TUSC3: variants seen among roughly 807,000 people sequenced by gnomAD.
TUSC3 encodes the protein dolichyl-diphosphooligosaccharide--protein glycosyltransferase subunit TUSC3.
TUSC3 carries 45 observed loss-of-function variants against 44.8 expected under a neutral mutation model. The ratio of observed to expected loss-of-function variants is 1.00; its 90% CI spans 0.79 to 1.29. The LOEUF is 1.29. Among genes scored for constraint, TUSC3 ranks in the 50% most tolerant of loss-of-function variants. The pLI is 0.00. For synonymous variants in TUSC3, 212 were observed against 152.9 expected (o/e 1.39, Z -2.85); for missense variants, 519 against 437.9 (o/e 1.19, Z -1.65).
the TUSC3 span, among the ~76,000 whole-genome samples, chr8:15,844,920 A>C: frequency 8.9e-3 from 1,362 of 152,250 alleles, 29 homozygotes; most frequent in African/African-American, 0.031. Flanking sequence ...AGTGGTCTTA[A>C]AATATTTTCT....
At chr8:15,690,557 C>T (rs1808854822) in intron 6 of TUSC3, among the ~76,000 whole-genome samples, 1 of 152,078 alleles carries the variant, frequency 6.6e-6, no homozygotes, top group African/African-American at 2.4e-5. Flanking sequence ...TGAGTGTCTT[C>T]ATCATGAAAT....
chr8:15,460,695 T>C (rs1209320756), intron 1 of TUSC3, among the ~76,000 whole-genome samples: 1 of 152,178 alleles, frequency 6.6e-6, no homozygotes. Flanking sequence ...CATCTTGAGT[T>C]GATTTTTGTG....
At position 15,459,838 on chromosome 8, in the gene TUSC3, G is replaced by T. The variant is rs553004970; in HGVS notation, n.92-23548G>T. On this transcript the variant is annotated intron_variant and non_coding_transcript_variant, in intron 1 of 5. Transcript: ENST00000503191. ...TGGCTAAGTAGTATTCCATTTGTGT[G>T]TGTGTGTGTGTGTGTGTATGTGTGT... 6.1e-5 allele frequency among the ~76,000 whole-genome samples: 9 copies of T among 147,492 alleles called. No individual in the cohort carries two copies. The South Asian group carries it at 1.9e-3, about 31-fold the overall frequency.
At chr8:15,847,687 C>G in the TUSC3 span, among the ~76,000 whole-genome samples, 3 of 152,248 alleles carry the variant, frequency 2.0e-5, no homozygotes, top group Admixed American at 6.5e-5. Flanking sequence ...TTTAACTACT[C>G]TGAGTTCATG....
At chr8:15,669,659 C>T (rs956004211) in intron 5 of TUSC3, among the ~76,000 whole-genome samples, 1 of 151,624 alleles carries the variant, frequency 6.6e-6, no homozygotes, top group African/African-American at 2.4e-5. Context: ...TTAATAGGTT[C>T]AGTGTTTATG....
At chr8:15,534,594 G>C (rs1801496330) in intron 2 of TUSC3, among the ~76,000 whole-genome samples, 1 of 147,960 alleles carries the variant, frequency 6.8e-6, no homozygotes, top group Non-Finnish European at 1.5e-5. Flanking sequence ...CAGTGGCCGA[G>C]ATCGCGCCAC....
chr8:15,624,182 C>G (rs1157050354), intron 2 of TUSC3, among the ~76,000 whole-genome samples: 1 of 152,004 alleles, frequency 6.6e-6, no homozygotes. Flanking sequence ...GAATAATGTT[C>G]CATTATATGG....
At chr8:15,651,772 A>C (rs911533742) in intron 3 of TUSC3, among the ~76,000 whole-genome samples, 5 of 152,136 alleles carry the variant, frequency 3.3e-5, no homozygotes, top group African/African-American at 1.2e-4. Context: ...GCAAACTAAT[A>C]AGCTTATTTA....
At chr8:15,607,632 C>T (rs1290123755) in intron 1 of TUSC3, among the ~76,000 whole-genome samples, 1 of 152,054 alleles carries the variant, frequency 6.6e-6, no homozygotes, top group African/African-American at 2.4e-5. Flanking sequence ...ACCTAGATTC[C>T]ACAATTAACA....
the TUSC3 span, among the ~76,000 whole-genome samples, chr8:15,831,892 G>A: frequency 6.5e-4 from 99 of 152,208 alleles, 1 homozygote; most frequent in South Asian, 9.7e-3. Flanking sequence ...CCATGAGAAC[G>A]TCCCCAACCT....
At chr8:15,477,635 T>C (rs1032550403) in intron 1 of TUSC3, among the ~76,000 whole-genome samples, 4 of 152,064 alleles carry the variant, frequency 2.6e-5, no homozygotes, top group Non-Finnish European at 5.9e-5. Flanking sequence ...GGTAGGAGAA[T>C]GGCGTGAACC....
intron 2 of TUSC3, among the ~76,000 whole-genome samples, chr8:15,524,957 G>A (rs1460659224): frequency 1.3e-5 from 2 of 152,168 alleles, no homozygotes; most frequent in Non-Finnish European, 2.9e-5. Context: ...GGGGGCCTCT[G>A]GCCTCTGCTC....
chr8:15,514,275 A>G (rs1801181013), intron 2 of TUSC3, among the ~76,000 whole-genome samples: 1 of 152,182 alleles, frequency 6.6e-6, no homozygotes, highest in Non-Finnish European at 1.5e-5. Flanking sequence ...GACAAAATAG[A>G]TGTTTTATTT....
At chr8:15,588,669 T>C (rs1033608828) in intron 1 of TUSC3, among the ~76,000 whole-genome samples, 2 of 152,188 alleles carry the variant, frequency 1.3e-5, no homozygotes, top group African/African-American at 4.8e-5. Context: ...TGTTTTCTTC[T>C]AGTAGTTTTA....
At chr8:15,699,467 C>CA (rs1449632684) in intron 6 of TUSC3, among the ~76,000 whole-genome samples, 1 of 152,142 alleles carries the variant, frequency 6.6e-6, no homozygotes, top group East Asian at 1.9e-4. Flanking sequence ...TGTCAGTATT[C>CA]AAAATCTAAC....
chr8:15,802,730 G>A, the TUSC3 span, among the ~76,000 whole-genome samples: 18,512 of 151,426 alleles, frequency 0.12, 1,423 homozygotes, highest in Middle Eastern at 0.2. Context: ...ACCAGTCTAA[G>A]GAACATTAAT....
chr8:15,598,815 G>A (rs1173638021), intron 1 of TUSC3, among the ~76,000 whole-genome samples: 1 of 151,580 alleles, frequency 6.6e-6, no homozygotes, highest in Non-Finnish European at 1.5e-5. Flanking sequence ...TTGTCTGGAT[G>A]TACCAGTTTA....
At chr8:15,606,592 A>G (rs1331092880) in intron 1 of TUSC3, among the ~76,000 whole-genome samples, 5 of 152,112 alleles carry the variant, frequency 3.3e-5, no homozygotes, top group African/African-American at 1.2e-4. Context: ...TCATCTTGTT[A>G]AATAACTATA....
intron 1 of TUSC3, among the ~76,000 whole-genome samples, chr8:15,435,154 A>G (rs926194100): frequency 1.2e-4 from 18 of 149,820 alleles, no homozygotes; most frequent in Non-Finnish European, 2.9e-5. Flanking sequence ...TCCCACCAAC[A>G]TTGTAAAAGT....
Sources: gnomAD v4.1 joint callset for allele counts (sites outside exome capture counted in the v4.1 genomes callset) on GRCh38, gnomAD v4.1.1 for gene constraint, MANE v1.5 for transcripts, NCBI Gene and HGNC (gene_info 2026-07-23, HGNC 2026-07-21) for gene names.